The following KRABD5 variants were observed in gnomAD, a reference collection of about 807,000 sequenced individuals.
The protein encoded by KRABD5 is KRAB domain containing 5.
chr16:31,739,656 C>T, the KRABD5 span, among the ~76,000 whole-genome samples: 2 of 152,142 alleles, frequency 1.3e-5, no homozygotes, highest in Non-Finnish European at 2.9e-5. Context: ...TTTCCTCTGT[C>T]TTTGCATTTT....
the KRABD5 span, among the ~76,000 whole-genome samples, chr16:31,714,141 C>G: frequency 1.3e-5 from 2 of 152,142 alleles, no homozygotes; most frequent in African/African-American, 2.4e-5. Context: ...ATCTGGATGT[C>G]CGACTTTAAT....
At chr16:31,743,145 T>C in the KRABD5 span, among the ~76,000 whole-genome samples, 10 of 152,218 alleles carry the variant, frequency 6.6e-5, no homozygotes, top group South Asian at 2.1e-3. Flanking sequence ...ATTTGTCAAT[T>C]TTGGTTTTCG....
the KRABD5 span, among the ~76,000 whole-genome samples, chr16:31,751,885 A>C: frequency 6.6e-6 from 1 of 152,180 alleles, no homozygotes; most frequent in Non-Finnish European, 1.5e-5. Context: ...TTCTTGAAAT[A>C]GGCATTTCGT....
chr16:31,733,112 T>C, the KRABD5 span, among the ~76,000 whole-genome samples: 1 of 152,154 alleles, frequency 6.6e-6, no homozygotes, highest in African/African-American at 2.4e-5. Context: ...TTTAAGACAA[T>C]ATGATGTTTA....
At chr16:31,714,537 A>T in the KRABD5 span, 23 of 395,516 alleles carry the variant, frequency 5.8e-5, no homozygotes, top group Admixed American at 1.3e-4. Flanking sequence ...AGCTGATGAG[A>T]TGGGAAGAAG....
chr16:31,715,977 C>T, the KRABD5 span, among the ~76,000 whole-genome samples: 3 of 152,142 alleles, frequency 2.0e-5, no homozygotes, highest in Non-Finnish European at 4.4e-5. Flanking sequence ...AGAACAGACC[C>T]CTGCCCCCAC....
chr16:31,759,405 A>G, the KRABD5 span: 1 of 1,537,554 alleles, frequency 6.5e-7, no homozygotes, highest in East Asian at 2.5e-5. Flanking sequence ...TCTCTGCTTG[A>G]GAAAAAGGAC....
the KRABD5 span, among the ~76,000 whole-genome samples, chr16:31,738,019 GT>G: frequency 6.6e-6 from 1 of 152,112 alleles, no homozygotes; most frequent in East Asian, 1.9e-4. Context: ...TTTTCTTTCT[GT>G]TTTTAATTTC....
At chr16:31,738,351 T>A in the KRABD5 span, among the ~76,000 whole-genome samples, 1 of 152,154 alleles carries the variant, frequency 6.6e-6, no homozygotes, top group African/African-American at 2.4e-5. Context: ...TGTAAAAGTT[T>A]GCTAGTTGCT....
the KRABD5 span, among the ~76,000 whole-genome samples, chr16:31,717,926 C>G: frequency 1.3e-5 from 2 of 152,022 alleles, no homozygotes; most frequent in Non-Finnish European, 2.9e-5. Flanking sequence ...AGAGTTTGGC[C>G]AGATTTCTAC....
the KRABD5 span, among the ~76,000 whole-genome samples, chr16:31,715,384 A>G: frequency 6.6e-6 from 1 of 152,302 alleles, no homozygotes. Flanking sequence ...CTCTTGAAGA[A>G]CAAAAAGGAA....
At chr16:31,744,583 T>G in the KRABD5 span, among the ~76,000 whole-genome samples, 1 of 152,184 alleles carries the variant, frequency 6.6e-6, no homozygotes. Flanking sequence ...CCTGAAGTTT[T>G]CTTTTTTTGT....
the KRABD5 span, among the ~76,000 whole-genome samples, chr16:31,726,594 C>T: frequency 2.0e-5 from 3 of 152,042 alleles, no homozygotes; most frequent in Non-Finnish European, 4.4e-5. Context: ...AACCCCGTCT[C>T]TACTAAAAAT....
the KRABD5 span, among the ~76,000 whole-genome samples, chr16:31,721,694 A>G: frequency 6.6e-6 from 1 of 152,200 alleles, no homozygotes; most frequent in African/African-American, 2.4e-5. Flanking sequence ...AAAGGATTCT[A>G]CTATTCTTGC....
the KRABD5 span, among the ~76,000 whole-genome samples, chr16:31,750,798 C>G: frequency 3.3e-5 from 5 of 151,590 alleles, no homozygotes; most frequent in East Asian, 7.8e-4. Context: ...TTTTTTGGAG[C>G]TGGAGTCCCA....
the KRABD5 span, among the ~76,000 whole-genome samples, chr16:31,739,561 T>C: frequency 2.0e-5 from 3 of 152,288 alleles, no homozygotes; most frequent in East Asian, 5.8e-4. Context: ...TTAGAGTTGG[T>C]AGAGTTTCAT....
At chr16:31,714,628 AAGACCTCAGTCTTATTTG>A in the KRABD5 span, among the ~76,000 whole-genome samples, 1 of 152,200 alleles carries the variant, frequency 6.6e-6, no homozygotes, top group African/African-American at 2.4e-5. Context: ...CTAGGCATAG[AAGACCTCAGTCTTATTTG>A]AGCCTGCAAA....
the KRABD5 span, chr16:31,761,103 A>T: frequency 1.3e-5 from 2 of 152,242 alleles, no homozygotes; most frequent in African/African-American, 4.8e-5. Context: ...TAGTTACTTG[A>T]CTTGGAACAG....
At chr16:31,758,722 C>A in the KRABD5 span, 2 of 149,010 alleles carry the variant, frequency 1.3e-5, no homozygotes. Context: ...TGTTTTGAGC[C>A]AAGATCATGC....
Sources: gnomAD v4.1 joint callset for allele counts (sites outside exome capture counted in the v4.1 genomes callset) on GRCh38, gnomAD v4.1.1 for gene constraint, MANE v1.5 for transcripts, NCBI Gene and HGNC (gene_info 2026-07-23, HGNC 2026-07-21) for gene names.